FBXW8: variants seen among roughly 807,000 people sequenced by gnomAD.
The protein encoded by FBXW8 is F-box/WD repeat-containing protein 8.
FBXW8 carries 57 observed loss-of-function variants against 65.3 expected under a neutral mutation model. The observed-to-expected ratio is 0.87, with a 90% CI of 0.71 to 1.09. The LOEUF (loss-of-function observed/expected upper bound fraction) is 1.09. Among genes scored for constraint, FBXW8 ranks in the 50% least tolerant of loss-of-function variants. The pLI is 0.00. For synonymous variants in FBXW8, 308 were observed against 330.2 expected, an observed-to-expected ratio of 0.93 and a Z score of 0.73; for missense variants, 777 against 814.8, an observed-to-expected ratio of 0.95 and a Z score of 0.57.
chr12:116,942,392 C>T (rs1428184746), intron 2 of FBXW8, among the ~76,000 whole-genome samples: 8 of 129,976 alleles, frequency 6.2e-5, no homozygotes, highest in East Asian at 4.3e-4. Context: ...TTTTTTTTTC[C>T]GAGACAGAGT....
intron 7 of FBXW8, among the ~76,000 whole-genome samples, chr12:117,009,256 GGTGTT>G (rs1953749177): frequency 6.6e-6 from 1 of 152,028 alleles, no homozygotes; most frequent in African/African-American, 2.4e-5. Context: ...AGCAGGCCGT[GGTGTT>G]ACACACACAT....
chr12:117,022,630 G>A (rs1191668786), intron 8 of FBXW8, among the ~76,000 whole-genome samples: 1 of 152,176 alleles, frequency 6.6e-6, no homozygotes, highest in African/African-American at 2.4e-5. Context: ...ACTCCAGCCT[G>A]GGTGATGGGA....
chr12:116,965,004 T>C, intron 5 of FBXW8, 150 bp downstream of exon 5: 2 of 789,848 alleles, frequency 2.5e-6, no homozygotes, highest in Non-Finnish European at 3.8e-6. Context: ...CTTGCTTTTA[T>C]TTGAAGAAGT....
At chr12:116,960,520 C>G (rs1480841644) in intron 4 of FBXW8, among the ~76,000 whole-genome samples, 1 of 152,176 alleles carries the variant, frequency 6.6e-6, no homozygotes, top group Non-Finnish European at 1.5e-5. Context: ...TGGAAAATTT[C>G]ATGTTTATTG....
chr12:116,929,824 C>T (rs1414152726), intron 2 of FBXW8, among the ~76,000 whole-genome samples: 2 of 152,168 alleles, frequency 1.3e-5, no homozygotes, highest in East Asian at 3.9e-4. Flanking sequence ...CCTTTGACAT[C>T]TTTCCAGTGT....
In FBXW8 at chr12:116,971,402, G is replaced by C. The variant is rs1884638068; in HGVS notation, c.835+6548G>C. On this transcript the variant is annotated intron_variant, in intron 5 of 10. Coordinates refer to ENST00000652555, the MANE Select transcript of FBXW8 (RefSeq NM_153348.3). ...AATTCTGAACTGAGGGGGTTTTGGT[G>C]TTTAAGAAATCCTTTTTAGGGCGTT... Among the ~76,000 whole-genome samples, 3 of 151,946 alleles carry C rather than the reference G, an allele frequency of 2.0e-5. No individual in the cohort carries two copies. The South Asian group carries it at 6.2e-4, about 32-fold the overall frequency.
intron 5 of FBXW8, among the ~76,000 whole-genome samples, chr12:116,981,802 C>T (rs1370834291): frequency 1.3e-5 from 2 of 151,980 alleles, no homozygotes; most frequent in Non-Finnish European, 2.9e-5. Context: ...TTACTAGAGA[C>T]GGGGTTTCAC....
rs1484074672 is a variant in FBXW8 at position 117,028,051 on chromosome 12, A to G, written c.1676A>G (p.Tyr559Cys). The change falls in exon 11 of 11, where the codon TAT becomes TGT. Residue 559 changes from tyrosine to cysteine, a missense_variant. Physicochemically the swap from Tyr to Cys is radical, Grantham distance 194. Transcript: ENST00000652555. This position sits in a 1 kb window ranked among gnomAD's most constrained non-coding sequence, Gnocchi z 4.1. The stretch of plus-strand genomic sequence containing the variant: ...AGACACCGGGGGCTGATCCGCGCCT[A>G]TGAGTTTGCGGTGGACCAGCTGGCC... Reference protein sequence around the residue: ...HRRHRGLIRAYEFAVDQLAFQ... With the variant: ...HRRHRGLIRACEFAVDQLAFQ... 2 of 1,613,962 alleles carry G rather than the reference A, an allele frequency of 1.2e-6. No homozygotes were observed. The highest frequency in any genetic ancestry group is 1.7e-6 in the Non-Finnish European group (2 of 1,180,028).
At chr12:116,986,970 A>C (rs1885738563) in intron 6 of FBXW8, 1 of 152,206 alleles carries the variant, frequency 6.6e-6, no homozygotes, top group Non-Finnish European at 1.5e-5. Context: ...GGTTTTATGC[A>C]CGTTTTAGGA....
chr12:116,924,979 G>T (rs1565899165), intron 1 of FBXW8, among the ~76,000 whole-genome samples: 2 of 152,058 alleles, frequency 1.3e-5, no homozygotes, highest in Non-Finnish European at 2.9e-5. Context: ...GGGAGAGGAA[G>T]TAGCTTACCT....
At chr12:117,018,809 A>T (rs550423472) in intron 8 of FBXW8, among the ~76,000 whole-genome samples, 1 of 152,212 alleles carries the variant, frequency 6.6e-6, no homozygotes. Flanking sequence ...ACAGATGGCA[A>T]ACTTTGAACT....
intron 7 of FBXW8, among the ~76,000 whole-genome samples, chr12:116,992,420 G>GTTT: frequency 6.8e-6 from 1 of 147,850 alleles, no homozygotes; most frequent in African/African-American, 2.5e-5. Context: ...GAAGATCAGA[G>GTTT]TTTTGTTTTT....
intron 8 of FBXW8, among the ~76,000 whole-genome samples, chr12:117,018,205 G>A (rs1421990003): frequency 1.3e-5 from 2 of 152,142 alleles, no homozygotes; most frequent in Non-Finnish European, 2.9e-5. Context: ...ATTAGAGAGG[G>A]GCTGGAGAGA....
intron 1 of FBXW8, among the ~76,000 whole-genome samples, chr12:116,912,451 C>CTTTTTTTTT (rs34430069): frequency 1.2e-5 from 1 of 86,482 alleles, no homozygotes; most frequent in African/African-American, 3.8e-5. Context: ...GAGAATCATT[C>CTTTTTTTTT]TTTTTTTTTT....
intron 7 of FBXW8, among the ~76,000 whole-genome samples, chr12:116,991,941 A>G (rs1296195095): frequency 1.1e-4 from 16 of 152,308 alleles, no homozygotes; most frequent in Non-Finnish European, 2.9e-5. Context: ...CTGCATGAGC[A>G]TGGAGTAATA....
chr12:116,977,838 T>C (rs1429904609), intron 5 of FBXW8: 1 of 152,254 alleles, frequency 6.6e-6, no homozygotes, highest in Non-Finnish European at 1.5e-5. Context: ...CACATTGCCA[T>C]AGTCTTAACA....
At chr12:116,977,156 C>A (rs1884998514) in intron 5 of FBXW8, among the ~76,000 whole-genome samples, 1 of 152,186 alleles carries the variant, frequency 6.6e-6, no homozygotes, top group Non-Finnish European at 1.5e-5. Flanking sequence ...TAACTCAGAA[C>A]CGACTGCAGT....
intron 2 of FBXW8, among the ~76,000 whole-genome samples, chr12:116,943,460 T>C (rs1222570987): frequency 6.6e-6 from 1 of 152,242 alleles, no homozygotes; most frequent in East Asian, 1.9e-4. Flanking sequence ...TCCTGAAGTC[T>C]CTGCTTGGCT....
intron 7 of FBXW8, among the ~76,000 whole-genome samples, chr12:117,001,510 G>A (rs1244649504): frequency 6.6e-6 from 1 of 152,162 alleles, no homozygotes; most frequent in Non-Finnish European, 1.5e-5. Flanking sequence ...TGTACATTAT[G>A]AGCATCTCAT....
Sources: allele counts gnomAD v4.1 joint callset (sites outside exome capture counted in the v4.1 genomes callset), GRCh38; gene constraint gnomAD v4.1.1; non-coding constraint Gnocchi (gnomAD v3.1); transcripts MANE v1.5; gene names NCBI Gene and HGNC (gene_info 2026-07-23, HGNC 2026-07-21).